AGBL4: variants seen among roughly 807,000 people sequenced by gnomAD.
AGBL4 encodes AGBL carboxypeptidase 4, also known as cytosolic carboxypeptidase 6.
In AGBL4, 58 loss-of-function variants were observed where a neutral mutation model predicts 66.4. The observed-to-expected ratio is 0.87, with a 90% confidence interval of 0.71 to 1.09. The LOEUF is 1.09. Ranked by LOEUF, AGBL4 falls within the 50% of genes least tolerant of loss-of-function variation. The pLI is 0.00. For missense variants in AGBL4, 579 were observed against 631.0 expected (o/e 0.92, Z 0.88); for synonymous variants, 234 against 222.9 (o/e 1.05, Z -0.44).
intron 3 of AGBL4, among the ~76,000 whole-genome samples, chr1:49,364,257 T>A (rs950973671): frequency 6.6e-6 from 1 of 152,146 alleles, no homozygotes; most frequent in Non-Finnish European, 1.5e-5. Flanking sequence ...TATAGTGTAG[T>A]ATAGGGCTAA....
At chr1:48,628,426 T>G (rs1415330635) in intron 9 of AGBL4, among the ~76,000 whole-genome samples, 1 of 151,976 alleles carries the variant, frequency 6.6e-6, no homozygotes, top group Non-Finnish European at 1.5e-5. Context: ...CAAGCGGCAC[T>G]TTGTTTCCTT....
chr1:49,594,780 G>A (rs962761919), intron 3 of AGBL4, among the ~76,000 whole-genome samples: 5 of 152,094 alleles, frequency 3.3e-5, no homozygotes, highest in African/African-American at 1.2e-4. Context: ...TGGGCATTTG[G>A]GTTGGTTCCA....
chr1:49,515,389 C>G (rs774922195), intron 3 of AGBL4, among the ~76,000 whole-genome samples: 2 of 152,070 alleles, frequency 1.3e-5, no homozygotes, highest in Non-Finnish European at 2.9e-5. Context: ...CAGGAAACAA[C>G]AGGTGCTGGA....
At chr1:49,152,122 C>T (rs939737860) in intron 4 of AGBL4, among the ~76,000 whole-genome samples, 2 of 152,158 alleles carry the variant, frequency 1.3e-5, no homozygotes, top group African/African-American at 4.8e-5. Context: ...ATCATTCCCA[C>T]TTAATGAAAA....
intron 6 of AGBL4, among the ~76,000 whole-genome samples, chr1:48,848,184 G>A (rs1420121775): frequency 6.6e-6 from 1 of 152,164 alleles, no homozygotes; most frequent in African/African-American, 2.4e-5. Flanking sequence ...GTCCCTGCAG[G>A]CTACGGTGAA....
intron 3 of AGBL4, among the ~76,000 whole-genome samples, chr1:49,471,612 G>T (rs1047816398): frequency 1.3e-5 from 2 of 151,722 alleles, no homozygotes; most frequent in African/African-American, 4.8e-5. Context: ...GCAAGAATGG[G>T]TACTACAGAA....
rs1644020005 is a variant in AGBL4 at position 49,560,823 on chromosome 1, G to A, written c.282+136490C>T. On this transcript the variant is annotated intron_variant, in intron 3 of 13. Transcript: ENST00000371839. ...CGAATGATTTACCTAAAGTCCTAAA[G>A]GAAAAAATCTTTTACCCCTGAATAG... is the stretch of plus-strand genomic sequence containing the variant. Among the ~76,000 whole-genome samples the A allele has an allele frequency of 2.0e-5, 3 of 152,100 alleles. No individual in the cohort carries two copies. In the South Asian group the frequency reaches 6.2e-4, roughly 32 times the overall value.
chr1:49,636,215 G>C (rs888856690), intron 3 of AGBL4, among the ~76,000 whole-genome samples: 2 of 152,172 alleles, frequency 1.3e-5, no homozygotes, highest in Admixed American at 1.3e-4. Context: ...ATTTCTCACA[G>C]TTCTGGGCAT....
At chr1:49,269,424 A>G (rs1427092142) in intron 3 of AGBL4, 1 of 152,210 alleles carries the variant, frequency 6.6e-6, no homozygotes, top group Non-Finnish European at 1.5e-5. Flanking sequence ...GTAAAGCTGT[A>G]TTTTGTGTGG....
At chr1:48,526,523 G>A in the AGBL4 span, among the ~76,000 whole-genome samples, 3 of 152,220 alleles carry the variant, frequency 2.0e-5, no homozygotes, top group East Asian at 3.9e-4. Flanking sequence ...CAGCTGCAGC[G>A]GCAGGAGGAG....
intron 3 of AGBL4, among the ~76,000 whole-genome samples, chr1:49,461,669 T>C (rs1159558001): frequency 7.1e-6 from 1 of 141,028 alleles, no homozygotes; most frequent in East Asian, 2.4e-4. Context: ...CCTCCCTGTG[T>C]CCATGTGTTC....
At chr1:49,874,051 A>C (rs1385831007) in intron 1 of AGBL4, among the ~76,000 whole-genome samples, 1 of 152,150 alleles carries the variant, frequency 6.6e-6, no homozygotes, top group Non-Finnish European at 1.5e-5. Flanking sequence ...GGATCAGAAC[A>C]GAGAGTCCAG....
intron 1 of AGBL4, among the ~76,000 whole-genome samples, chr1:49,899,806 C>T (rs768747983): frequency 2.4e-4 from 37 of 152,092 alleles, no homozygotes; most frequent in African/African-American, 8.4e-4. Flanking sequence ...TTTGGGAGGC[C>T]GAGGCAAGCA....
chr1:48,940,141 A>G (rs1344313585), intron 5 of AGBL4, among the ~76,000 whole-genome samples: 1 of 152,208 alleles, frequency 6.6e-6, no homozygotes, highest in East Asian at 1.9e-4. Context: ...GAGTTGAGGA[A>G]GGCCCGGGTG....
intron 3 of AGBL4, among the ~76,000 whole-genome samples, chr1:49,647,818 T>C (rs951584169): frequency 4.8e-5 from 7 of 145,884 alleles, no homozygotes; most frequent in African/African-American, 1.8e-4. Context: ...AAGAGAAGCC[T>C]ATGAGAAGTT....
chr1:49,216,532 A>T (rs1282966075), intron 4 of AGBL4, among the ~76,000 whole-genome samples: 1 of 151,922 alleles, frequency 6.6e-6, no homozygotes, highest in Non-Finnish European at 1.5e-5. Context: ...TCCTATATTA[A>T]TTTGCTTGGG....
At chr1:49,410,457 G>C (rs1645293496) in intron 3 of AGBL4, among the ~76,000 whole-genome samples, 1 of 152,236 alleles carries the variant, frequency 6.6e-6, no homozygotes, top group African/African-American at 2.4e-5. Context: ...CAGGGGTTGT[G>C]GAAGGGAGCA....
intron 3 of AGBL4, among the ~76,000 whole-genome samples, chr1:49,442,489 T>A (rs1003302514): frequency 6.6e-6 from 1 of 152,200 alleles, no homozygotes; most frequent in African/African-American, 2.4e-5. Flanking sequence ...AGCTTCCACA[T>A]ATAAGTGATA....
chr1:48,756,227 G>A (rs11586913), intron 6 of AGBL4, among the ~76,000 whole-genome samples: 29,476 of 152,142 alleles, frequency 0.19, 3,643 homozygotes, highest in East Asian at 0.48. Context: ...TCCTGTTTGG[G>A]TAACAAAAAT....
Sources: gnomAD v4.1 joint callset for allele counts (sites outside exome capture counted in the v4.1 genomes callset) on GRCh38, gnomAD v4.1.1 for gene constraint, MANE v1.5 for transcripts, NCBI Gene and HGNC (gene_info 2026-07-23, HGNC 2026-07-21) for gene names.